FAM227B: variants seen among roughly 807,000 people sequenced by gnomAD.
FAM227B encodes the protein protein FAM227B.
Under a neutral mutation model 73.8 loss-of-function variants are expected in FAM227B, and 88 were observed. The observed-to-expected ratio is 1.19, with a 90% CI of 1.00 to 1.42. The LOEUF (loss-of-function observed/expected upper bound fraction) is 1.42, where lower values mean the gene tolerates loss of function less well. Ranked by LOEUF, FAM227B falls within the 40% of genes most tolerant of loss-of-function variation. The pLI, the probability that FAM227B is intolerant of heterozygous loss-of-function variation, is 0.00. For missense variants in FAM227B, 632 were observed against 590.9 expected (o/e 1.07, Z -0.72); for synonymous variants, 210 against 190.5 (o/e 1.10, Z -0.84).
intron 15 of FAM227B, chr15:49,329,702 C>T (rs1049484169): frequency 2.1e-5 from 20 of 972,608 alleles, no homozygotes; most frequent in Non-Finnish European, 2.4e-5. Context: ...AATCTGAAAC[C>T]TGAATTTATT....
chr15:49,539,887 AAAT>A (rs1444725468), intron 10 of FAM227B, among the ~76,000 whole-genome samples: 1 of 152,222 alleles, frequency 6.6e-6, no homozygotes, highest in Non-Finnish European at 1.5e-5. Flanking sequence ...CTTGTCGTGA[AAAT>A]GACTTTGGAA....
chr15:49,487,971 C>T (rs2056544374), intron 11 of FAM227B: 1 of 151,898 alleles, frequency 6.6e-6, no homozygotes, highest in Admixed American at 6.6e-5. Context: ...TCCAACTTTA[C>T]ACATAAATAA....
At chr15:49,509,020 G>C (rs1264493014) in intron 10 of FAM227B, among the ~76,000 whole-genome samples, 1 of 152,170 alleles carries the variant, frequency 6.6e-6, no homozygotes, top group Non-Finnish European at 1.5e-5. Flanking sequence ...GAACTGTGGG[G>C]GAGAGTCTTT....
At chr15:49,600,254 T>A (rs1400339132) in intron 3 of FAM227B, among the ~76,000 whole-genome samples, 1 of 152,166 alleles carries the variant, frequency 6.6e-6, no homozygotes, top group Non-Finnish European at 1.5e-5. Flanking sequence ...TACCATTGCA[T>A]AAATTTATTT....
rs967758406 is a variant in FAM227B at position 49,513,891 on chromosome 15, A to C, written c.875-5543T>G. 2.0e-5 allele frequency among the ~76,000 whole-genome samples: 3 copies of C among 152,228 alleles called. No individual in the cohort carries two copies. The South Asian group carries it at 6.2e-4, about 32-fold the overall frequency. On this transcript the variant is annotated intron_variant, in intron 10 of 15. Coordinates refer to ENST00000299338, the MANE Select transcript of FAM227B (RefSeq NM_152647.3). Reference sequence around the variant, plus strand: ...CGCTTGTTTTTGTCAGGTTTGCCAAAGATCAGATAGTTGTAGATGTGTGGT... The same window carrying C: ...CGCTTGTTTTTGTCAGGTTTGCCAACGATCAGATAGTTGTAGATGTGTGGT...
At chr15:49,580,094 A>T (rs1012231732) in intron 5 of FAM227B, among the ~76,000 whole-genome samples, 2 of 152,222 alleles carry the variant, frequency 1.3e-5, no homozygotes, top group African/African-American at 4.8e-5. Context: ...ATATAAATAC[A>T]TGTTAAAATT....
At chr15:49,516,819 A>C (rs1276476867) in intron 10 of FAM227B, among the ~76,000 whole-genome samples, 1 of 152,142 alleles carries the variant, frequency 6.6e-6, no homozygotes, top group Non-Finnish European at 1.5e-5. Context: ...TAATTGGCTG[A>C]CCATAAAATA....
chr15:49,616,782 T>C lies in FAM227B; in HGVS notation c.-72-1539A>G, dbSNP rs570759740. ...CTTCTTAATTTTGGTAAATTATCTT[T>C]CAAGAAAAATTGAAATGTCAAGTAT... On this transcript the variant is annotated intron_variant, in intron 1 of 15. Coordinates refer to ENST00000299338, the MANE Select transcript of FAM227B (RefSeq NM_152647.3). 5.9e-5 allele frequency among the ~76,000 whole-genome samples: 9 copies of C among 152,362 alleles called. No homozygotes were observed. In the South Asian group the frequency reaches 1.9e-3, roughly 32 times the overall value.
At chr15:49,497,787 C>T (rs1421807614) in intron 11 of FAM227B, among the ~76,000 whole-genome samples, 1 of 152,164 alleles carries the variant, frequency 6.6e-6, no homozygotes, top group African/African-American at 2.4e-5. Context: ...GTGTGGTAGA[C>T]ATGTAATTCT....
At position 49,539,872 on chromosome 15, in the gene FAM227B, G is replaced by A. The variant is rs1410443274; in HGVS notation, c.874+1808C>T. On this transcript the variant is annotated intron_variant, in intron 10 of 15. Transcript: ENST00000299338. ...AGTGGCTCCATGGTCCCAGGTGCAG[G>A]CTAGCTTGTCGTGAAAATGACTTTG... Among the ~76,000 whole-genome samples the A allele has an allele frequency of 4.6e-5, 7 of 152,326 alleles. 1 individual carries two copies. The East Asian group carries it at 1.4e-3, about 29-fold the overall frequency.
At chr15:49,605,340 C>T (rs1042993045) in intron 3 of FAM227B, among the ~76,000 whole-genome samples, 3 of 152,208 alleles carry the variant, frequency 2.0e-5, no homozygotes, top group African/African-American at 7.2e-5. Flanking sequence ...GGTTGGGCCT[C>T]TGGGTTCCCT....
intron 11 of FAM227B, chr15:49,483,383 CTT>C: frequency 3.4e-6 from 2 of 582,604 alleles, no homozygotes; most frequent in Non-Finnish European, 6.1e-6. Context: ...TATTAAAACA[CTT>C]TATACTCAAA....
At chr15:49,593,680 C>G (rs1362094631) in intron 3 of FAM227B, among the ~76,000 whole-genome samples, 1 of 152,018 alleles carries the variant, frequency 6.6e-6, no homozygotes, top group African/African-American at 2.4e-5. Flanking sequence ...TAAGTGAGAA[C>G]ATACGATATT....
intron 11 of FAM227B, among the ~76,000 whole-genome samples, chr15:49,411,027 A>G (rs1042231073): frequency 2.7e-5 from 4 of 149,922 alleles, no homozygotes; most frequent in African/African-American, 9.8e-5. Context: ...GCAGGGAGAG[A>G]GGGAGTGAAA....
chr15:49,349,690 A>G (rs2163095), intron 13 of FAM227B, among the ~76,000 whole-genome samples: 63,762 of 151,876 alleles, frequency 0.42, 13,524 homozygotes, highest in African/African-American at 0.45. Flanking sequence ...TAAAAAGGCA[A>G]TTGCAGACTT....
intron 2 of FAM227B, among the ~76,000 whole-genome samples, chr15:49,612,680 T>C (rs2078020447): frequency 6.6e-6 from 1 of 152,164 alleles, no homozygotes; most frequent in Non-Finnish European, 1.5e-5. Context: ...CTAATATCCA[T>C]GATGATATCA....
At chr15:49,544,782 T>C (rs1195513398) in intron 9 of FAM227B, among the ~76,000 whole-genome samples, 1 of 152,186 alleles carries the variant, frequency 6.6e-6, no homozygotes, top group African/African-American at 2.4e-5. Flanking sequence ...TTTAATTTTG[T>C]TTTTGTGATG....
At chr15:49,568,087 A>T (rs1025558785) in intron 9 of FAM227B, among the ~76,000 whole-genome samples, 158 bp downstream of exon 9, 26 of 152,084 alleles carry the variant, frequency 1.7e-4, no homozygotes, top group African/African-American at 6.0e-4. Flanking sequence ...TGAGGGGTTA[A>T]TAAGAGCATA....
At chr15:49,527,623 G>A (rs1331934968) in intron 10 of FAM227B, among the ~76,000 whole-genome samples, 1 of 151,728 alleles carries the variant, frequency 6.6e-6, no homozygotes, top group Non-Finnish European at 1.5e-5. Context: ...TCCTCCAAAA[G>A]ACTCACAGAT....
Sources: allele counts gnomAD v4.1 joint callset (sites outside exome capture counted in the v4.1 genomes callset), GRCh38; gene constraint gnomAD v4.1.1; transcripts MANE v1.5; gene names NCBI Gene and HGNC (gene_info 2026-07-23, HGNC 2026-07-21).